Variants in CAST observed in about 807,000 individuals in gnomAD.
CAST encodes calpastatin, also known as MIR583 host.
In CAST, 76 loss-of-function variants were observed where a neutral mutation model predicts 119.6. The observed-to-expected ratio is 0.64, with a 90% CI of 0.53 to 0.77. The LOEUF (loss-of-function observed/expected upper bound fraction) is 0.77. Among genes scored for constraint, CAST ranks in the 30% least tolerant of loss-of-function variants. The probability of loss-of-function intolerance (pLI) is 0.00; values close to 1 mark genes in which losing one functional copy is unlikely to be tolerated. For synonymous variants in CAST, 319 were observed against 331.6 expected (o/e 0.96, Z 0.41); for missense variants, 953 against 946.5 (o/e 1.01, Z -0.09).
upstream of CAST, among the ~76,000 whole-genome samples, chr5:96,523,202 G>A (rs1413837464): frequency 6.6e-6 from 1 of 152,204 alleles, no homozygotes; most frequent in Non-Finnish European, 1.5e-5. Context: ...AGGAGGAGGT[G>A]CTGCCTGGTG....
the CAST span, among the ~76,000 whole-genome samples, chr5:96,031,598 A>G: frequency 2.0e-5 from 3 of 152,158 alleles, no homozygotes; most frequent in Non-Finnish European, 2.9e-5. Flanking sequence ...CGAGTCCTTA[A>G]TAAAACAAAT....
chr5:96,509,480 A>C, the CAST span, among the ~76,000 whole-genome samples: 3 of 152,208 alleles, frequency 2.0e-5, no homozygotes, highest in Non-Finnish European at 2.9e-5. Context: ...TTTCAACCAA[A>C]GGGGGAAAAA....
chr5:96,068,966 C>T, the CAST span, among the ~76,000 whole-genome samples: 12 of 147,550 alleles, frequency 8.1e-5, no homozygotes, highest in Admixed American at 2.0e-4. Context: ...AGGATGTATG[C>T]GTGTATGTAT....
At chr5:96,736,148 T>C (rs1462644842) in intron 9 of CAST, 24 bp from the exon 10 acceptor site, 2 of 1,506,850 alleles carry the variant, frequency 1.3e-6, no homozygotes, top group Non-Finnish European at 1.8e-6. Context: ...TGTGAGGAGT[T>C]GTTAATTTCT....
chr5:96,097,494 A>G, the CAST span, among the ~76,000 whole-genome samples: 1 of 151,580 alleles, frequency 6.6e-6, no homozygotes, highest in East Asian at 1.9e-4. Context: ...CCTCCTCCCC[A>G]CTCTGAAGGC....
At chr5:96,668,086 T>G (rs1749573282) in intron 1 of CAST, among the ~76,000 whole-genome samples, 1 of 152,182 alleles carries the variant, frequency 6.6e-6, no homozygotes, top group African/African-American at 2.4e-5. Context: ...TGTCAATAAT[T>G]GTCAACATTG....
chr5:96,304,373 C>A, the CAST span, among the ~76,000 whole-genome samples: 5 of 152,162 alleles, frequency 3.3e-5, no homozygotes, highest in African/African-American at 9.7e-5. Context: ...GGACAGATTA[C>A]AAAAATTTTC....
the CAST span, among the ~76,000 whole-genome samples, chr5:96,518,988 G>A: frequency 6.6e-6 from 1 of 152,080 alleles, no homozygotes; most frequent in African/African-American, 2.4e-5. Context: ...TTAAACCCGG[G>A]AGGCAGAGGA....
At chr5:96,487,844 C>T in the CAST span, among the ~76,000 whole-genome samples, 2 of 152,120 alleles carry the variant, frequency 1.3e-5, no homozygotes, top group Non-Finnish European at 2.9e-5. Flanking sequence ...GGTGGCATCA[C>T]GAAAGGGCAC....
At chr5:96,229,273 G>A in the CAST span, among the ~76,000 whole-genome samples, 1 of 150,436 alleles carries the variant, frequency 6.6e-6, no homozygotes, top group Non-Finnish European at 1.5e-5. Context: ...AGATACAAAG[G>A]ATACTTTGCT....
At chr5:96,553,160 C>T (rs1404059287) in intron 1 of CAST, among the ~76,000 whole-genome samples, 6 of 152,154 alleles carry the variant, frequency 3.9e-5, no homozygotes, top group Non-Finnish European at 8.8e-5. Flanking sequence ...GGAAAATCCT[C>T]AATAAAATAC....
the CAST span, among the ~76,000 whole-genome samples, chr5:96,288,233 A>T: frequency 6.6e-6 from 1 of 152,200 alleles, no homozygotes; most frequent in Non-Finnish European, 1.5e-5. Context: ...GGAGAAAACT[A>T]CATAGACACG....
At chr5:96,282,981 T>G in the CAST span, among the ~76,000 whole-genome samples, 1 of 150,482 alleles carries the variant, frequency 6.6e-6, no homozygotes, top group Non-Finnish European at 1.5e-5. Context: ...TACAAAAAAA[T>G]TAGCCGGGCG....
the CAST span, among the ~76,000 whole-genome samples, chr5:96,331,640 G>GT: frequency 6.6e-6 from 1 of 152,004 alleles, no homozygotes; most frequent in Non-Finnish European, 1.5e-5. Flanking sequence ...TTTTAAATAT[G>GT]TTTTTATTTA....
At chr5:96,209,748 A>G in the CAST span, among the ~76,000 whole-genome samples, 1 of 137,456 alleles carries the variant, frequency 7.3e-6, no homozygotes, top group Non-Finnish European at 1.5e-5. Flanking sequence ...TTCCCCTTCT[A>G]TCTTCCTTTA....
At chr5:96,344,534 G>A in the CAST span, among the ~76,000 whole-genome samples, 3 of 152,176 alleles carry the variant, frequency 2.0e-5, no homozygotes, top group African/African-American at 7.2e-5. Context: ...TCAAAGGAAT[G>A]CGAATCAGGT....
At chr5:96,484,742 C>T in the CAST span, among the ~76,000 whole-genome samples, 1 of 112,496 alleles carries the variant, frequency 8.9e-6, no homozygotes, top group African/African-American at 3.8e-5. Context: ...GAGCTCATAA[C>T]ATCATGGTAG....
At chr5:96,446,540 G>A in the CAST span, among the ~76,000 whole-genome samples, 1 of 152,212 alleles carries the variant, frequency 6.6e-6, no homozygotes, top group African/African-American at 2.4e-5. Flanking sequence ...GCTTCAGAGA[G>A]GATGCAGGGT....
chr5:96,127,031 A>C, the CAST span, among the ~76,000 whole-genome samples: 1 of 152,254 alleles, frequency 6.6e-6, no homozygotes, highest in African/African-American at 2.4e-5. Context: ...GGGCGATCCA[A>C]ATCTTCGTTG....
Sources: gnomAD v4.1 joint callset for allele counts (sites outside exome capture counted in the v4.1 genomes callset) on GRCh38, gnomAD v4.1.1 for gene constraint, MANE v1.5 for transcripts, NCBI Gene and HGNC (gene_info 2026-07-23, HGNC 2026-07-21) for gene names.